The following RSPH14 variants were observed in gnomAD, a reference collection of about 807,000 sequenced individuals.
RSPH14 encodes rhabdoid tumor deletion region gene 1.
In RSPH14, 20 loss-of-function variants were observed where a neutral mutation model predicts 26.7. That is an observed-to-expected ratio of 0.75 (90% CI 0.53 to 1.09). The LOEUF is 1.09. RSPH14 is among the 50% of genes least tolerant of loss of function. RSPH14 has a pLI of 0.00. For synonymous variants in RSPH14, 177 were observed against 189.3 expected (o/e 0.93, Z 0.53); for missense variants, 449 against 457.2 (o/e 0.98, Z 0.16).
intron 4 of RSPH14, among the ~76,000 whole-genome samples, chr22:23,089,155 A>G (rs1463234206): frequency 6.6e-6 from 1 of 152,184 alleles, no homozygotes; most frequent in Admixed American, 6.5e-5. Context: ...TCTCTGAGGA[A>G]GTCAGGCACA....
intron 4 of RSPH14, among the ~76,000 whole-genome samples, chr22:23,097,908 G>A (rs984428870): frequency 2.4e-4 from 36 of 152,252 alleles, no homozygotes; most frequent in African/African-American, 7.2e-4. Flanking sequence ...CAAATTCCCC[G>A]GGCACCAGGC....
intron 4 of RSPH14, chr22:23,123,120 T>G: frequency 6.2e-7 from 1 of 1,613,764 alleles, no homozygotes. Context: ...CCTCTTTGAC[T>G]CCATCTGCAA....
At chr22:23,110,243 T>G (rs1320497390) in intron 4 of RSPH14, among the ~76,000 whole-genome samples, 1 of 151,704 alleles carries the variant, frequency 6.6e-6, no homozygotes, top group Non-Finnish European at 1.5e-5. Flanking sequence ...ACTTTCCACA[T>G]CTAGAATGGA....
chr22:23,072,708 G>A (rs908953499), intron 4 of RSPH14, among the ~76,000 whole-genome samples: 1 of 152,224 alleles, frequency 6.6e-6, no homozygotes, highest in South Asian at 2.1e-4. Flanking sequence ...TGTGCCTGTC[G>A]CCTGGACTGT....
intron 3 of RSPH14, among the ~76,000 whole-genome samples, chr22:23,134,607 G>A (rs1156605775): frequency 1.4e-5 from 2 of 143,414 alleles, no homozygotes; most frequent in African/African-American, 2.6e-5. Flanking sequence ...GCTCACACTT[G>A]TAATCCCAGC....
chr22:23,155,862 A>G, the RSPH14 span: 1 of 1,009,312 alleles, frequency 9.9e-7, no homozygotes, highest in Non-Finnish European at 1.4e-6. Flanking sequence ...TGCAGCTGGC[A>G]CAGGCCCTTA....
upstream of RSPH14, chr22:23,145,462 T>TC (rs1335515361): frequency 6.2e-7 from 1 of 1,610,018 alleles, no homozygotes. Flanking sequence ...AGCCCGCAGG[T>TC]CCCGCGTGGC....
the RSPH14 span, chr22:23,180,482 TC>T: frequency 6.1e-6 from 1 of 165,132 alleles, no homozygotes; most frequent in Non-Finnish European, 1.3e-5. Context: ...CGCGGCCACC[TC>T]CCCCCGGCCC....
At chr22:23,090,184 CA>C (rs1405407306) in intron 4 of RSPH14, among the ~76,000 whole-genome samples, 50 of 152,242 alleles carry the variant, frequency 3.3e-4, no homozygotes, top group African/African-American at 9.1e-4. Context: ...GGACAGCTGA[CA>C]GTCCCCCTTT....
chr22:23,112,345 C>A (rs557831681), intron 4 of RSPH14, among the ~76,000 whole-genome samples: 17 of 152,228 alleles, frequency 1.1e-4, no homozygotes, highest in Non-Finnish European at 2.1e-4. Flanking sequence ...CCAGTGCTCA[C>A]CAGGCCGTTT....
At chr22:23,150,116 C>A in the RSPH14 span, 2 of 1,612,600 alleles carry the variant, frequency 1.2e-6, no homozygotes, top group South Asian at 1.1e-5. Flanking sequence ...ACGGGCAGGT[C>A]AGCGCTGCCT....
At chr22:23,173,179 G>A in the RSPH14 span, among the ~76,000 whole-genome samples, 5,156 of 151,950 alleles carry the variant, frequency 0.034, 135 homozygotes, top group South Asian at 0.11. Context: ...CTGTCACCCA[G>A]GCTGGAGTGC....
chr22:23,065,504 T>A (rs2068187631), intron 4 of RSPH14, among the ~76,000 whole-genome samples: 1 of 123,038 alleles, frequency 8.1e-6, no homozygotes, highest in African/African-American at 3.1e-5. Flanking sequence ...TCTACTGTGT[T>A]GGCCTTTTTT....
Position 23,071,671 on chromosome 22 carries a change from C to T in RSPH14, c.422-7538G>A, listed in dbSNP as rs922453068. ...TGATTGACCACCGCATAGGGGAAAA[C>T]GTCTCTACTCGACCAACCCCGCTTG... On this transcript the variant is annotated intron_variant, in intron 4 of 6. Coordinates refer to ENST00000216036, the MANE Select transcript of RSPH14 (RefSeq NM_014433.3). This position sits in a 1 kb window ranked among gnomAD's most constrained non-coding sequence, Gnocchi z 4.1. Among the ~76,000 whole-genome samples the T allele has an allele frequency of 1.3e-5, 2 of 152,204 alleles. No homozygotes were observed. Among genetic ancestry groups the T allele is most frequent in the African/African-American group, 2.4e-5 (1 of 41,444 alleles).
At chr22:23,150,529 C>CT in the RSPH14 span, among the ~76,000 whole-genome samples, 1 of 152,004 alleles carries the variant, frequency 6.6e-6, no homozygotes, top group African/African-American at 2.4e-5. Context: ...TCTCGATCTC[C>CT]TGACCTCGTG....
chr22:23,176,825 C>A, the RSPH14 span, among the ~76,000 whole-genome samples: 1 of 152,322 alleles, frequency 6.6e-6, no homozygotes, highest in African/African-American at 2.4e-5. Flanking sequence ...CAGCAAGTCA[C>A]CCCGCTTCCT....
At chr22:23,129,472 G>A (rs1171130938) in intron 4 of RSPH14, among the ~76,000 whole-genome samples, 1 of 152,010 alleles carries the variant, frequency 6.6e-6, no homozygotes, top group Non-Finnish European at 1.5e-5. Context: ...AAGACAAGGG[G>A]AGGAGATGGG....
At chr22:23,063,726 G>C (rs1036862944) in intron 5 of RSPH14, among the ~76,000 whole-genome samples, 176 bp downstream of exon 5, 1 of 152,028 alleles carries the variant, frequency 6.6e-6, no homozygotes, top group Non-Finnish European at 1.5e-5. Flanking sequence ...CCAGGCCAAC[G>C]GGATGGTGGT....
chr22:23,120,312 G>A (rs1162091922), intron 4 of RSPH14, among the ~76,000 whole-genome samples: 1 of 152,042 alleles, frequency 6.6e-6, no homozygotes, highest in East Asian at 1.9e-4. Context: ...CCACAGTCAG[G>A]AGTGTTTCAT....
Sources: allele counts gnomAD v4.1 joint callset (sites outside exome capture counted in the v4.1 genomes callset), GRCh38; gene constraint gnomAD v4.1.1; non-coding constraint Gnocchi (gnomAD v3.1); transcripts MANE v1.5; gene names NCBI Gene and HGNC (gene_info 2026-07-23, HGNC 2026-07-21).